Variants in RAD9B observed in about 807,000 individuals in gnomAD.
RAD9B encodes RAD9 checkpoint clamp component B.
RAD9B carries 41 observed loss-of-function variants against 48.3 expected under a neutral mutation model. That is an observed-to-expected ratio of 0.85 (90% confidence interval 0.66 to 1.10). RAD9B has a LOEUF of 1.10. Ranked by LOEUF, RAD9B falls within the 50% of genes least tolerant of loss-of-function variation. The pLI is 0.00. For missense variants in RAD9B, 444 were observed against 485.1 expected (o/e 0.92, Z 0.80); for synonymous variants, 160 against 157.9 (o/e 1.01, Z -0.10).
At chr12:110,511,245 G>GA (rs71445509) in intron 4 of RAD9B, among the ~76,000 whole-genome samples, 6,451 of 150,664 alleles carry the variant, frequency 0.043, 192 homozygotes, top group Middle Eastern at 0.088. Flanking sequence ...TTATCCAAAG[G>GA]AAAAAAAAAT....
rs1438758079 is a variant in RAD9B at position 110,522,211 on chromosome 12, G to A, written c.925G>A (p.Val309Ile). ...GATTGAAAAAAAGGCTGGCAAAAAT[G>A]TAACTGGCCAGGCCCTGGAATGTAT... is the stretch of plus-strand genomic sequence containing the variant. ...DLIEKKAGKN[V>I]TGQALECISK... is the part of the protein sequence containing the mutation. Residue 309 changes from valine (V) to isoleucine (I), a missense_variant, in exon 10 of 11, where the codon GTA becomes ATA. Physicochemically the swap from Val to Ile is conservative, Grantham distance 29 (BLOSUM62 3). Transcript: ENST00000409300. 1.9e-6 allele frequency: 3 copies of A among 1,599,106 alleles called. No individual in the cohort carries two copies. Among genetic ancestry groups the A allele is most frequent in the Non-Finnish European group, 2.6e-6 (3 of 1,172,860 alleles).
intron 10 of RAD9B, among the ~76,000 whole-genome samples, chr12:110,526,118 G>A (rs2063929646): frequency 6.6e-6 from 1 of 152,196 alleles, no homozygotes; most frequent in Non-Finnish European, 1.5e-5. Flanking sequence ...TTACAGGCAT[G>A]AGCCACCCCG....
Position 110,531,479 on chromosome 12 carries a change from A to T in RAD9B, c.*826A>T. The T allele has an allele frequency of 1.2e-6, 1 of 867,516 alleles. No homozygotes were observed. The highest frequency in any genetic ancestry group is 1.5e-5 in the South Asian group (1 of 68,112). The allele number at this position is 867,516 out of a possible 1,614,324, so 53.7% of individuals were successfully genotyped here. A position where few individuals can be genotyped will look rare whatever the true frequency, so the allele number is the denominator to read the frequency against. The stretch of plus-strand genomic sequence containing the variant: ...AGTGCTGGGATTACAGACTTGAGCC[A>T]CTGCGCCCAACCTGGAGTGTTTTTA... On this transcript the variant is annotated 3_prime_UTR_variant, in exon 11 of 11. Coordinates refer to ENST00000409300, the MANE Select transcript of RAD9B (RefSeq NM_001286535.2).
At chr12:110,502,529 G>A in intron 1 of RAD9B, 146 bp downstream of exon 1, 3 of 871,148 alleles carry the variant, frequency 3.4e-6, no homozygotes, top group Non-Finnish European at 5.4e-6. Context: ...ACCCACTCAA[G>A]TCCCTGTTAA....
intron 1 of RAD9B, chr12:110,503,230 A>T: frequency 6.5e-6 from 1 of 153,150 alleles, no homozygotes; most frequent in African/African-American, 2.4e-5. Context: ...TGAGTGTCAG[A>T]GTGAGACTCT....
At chr12:110,507,397 TAATATATGTATTAAATATAATATATAA>T (rs1565879307) in intron 4 of RAD9B, among the ~76,000 whole-genome samples, 2 of 144,122 alleles carry the variant, frequency 1.4e-5, no homozygotes, top group Non-Finnish European at 3.0e-5. Context: ...ATATAATATA[TAATATATGTATTAAATATAATATATAA>T]TATATATGTA....
At chr12:110,517,868 T>C (rs1375284272) in intron 6 of RAD9B, among the ~76,000 whole-genome samples, 1 of 151,190 alleles carries the variant, frequency 6.6e-6, no homozygotes, top group African/African-American at 2.4e-5. Flanking sequence ...GATTATGAAA[T>C]GGTATGTAGG....
intron 10 of RAD9B, among the ~76,000 whole-genome samples, chr12:110,529,413 G>A (rs2064055650): frequency 6.6e-6 from 1 of 152,142 alleles, no homozygotes; most frequent in Non-Finnish European, 1.5e-5. Flanking sequence ...CTAAAGTGCT[G>A]GGATTACAGG....
intron 6 of RAD9B, among the ~76,000 whole-genome samples, chr12:110,517,310 C>A (rs2135700171): frequency 6.6e-6 from 1 of 152,128 alleles, no homozygotes; most frequent in East Asian, 1.9e-4. Flanking sequence ...GCCTGGGCAA[C>A]AGAGTGAGAC....
chr12:110,531,658 C>G lies in RAD9B; in HGVS notation c.*1005C>G. ...AGAACAGTATCCTCCACTGCCAAGACAGCCTGAGTTTGGAGTGGAATAAGG... is the reference window on the plus strand; with the variant it reads ...AGAACAGTATCCTCCACTGCCAAGAGAGCCTGAGTTTGGAGTGGAATAAGG... On this transcript the variant is annotated 3_prime_UTR_variant, in exon 11 of 11. Transcript: ENST00000409300. The G allele has an allele frequency of 6.2e-7, 1 of 1,604,516 alleles. No homozygotes were observed. The highest frequency in any genetic ancestry group is 8.5e-7 in the Non-Finnish European group (1 of 1,176,150).
intron 10 of RAD9B, 87 bp from the exon 11 acceptor site, chr12:110,530,438 G>A (rs1248536084): frequency 8.1e-7 from 1 of 1,231,528 alleles, no homozygotes; most frequent in Non-Finnish European, 1.2e-6. Flanking sequence ...ATACTGGTCA[G>A]GTTTCTGAGG....
chr12:110,524,701 A>T (rs2063883301), intron 10 of RAD9B, among the ~76,000 whole-genome samples: 1 of 151,962 alleles, frequency 6.6e-6, no homozygotes. Flanking sequence ...AGAGATCGAG[A>T]CCATCCTGGC....
chr12:110,511,125 C>T (rs191740052), intron 4 of RAD9B, among the ~76,000 whole-genome samples: 2 of 152,252 alleles, frequency 1.3e-5, no homozygotes, highest in East Asian at 3.9e-4. Flanking sequence ...GATCTGTAGT[C>T]TGCAATCACT....
intron 4 of RAD9B, among the ~76,000 whole-genome samples, chr12:110,508,545 C>G (rs2063360861): frequency 1.3e-5 from 2 of 152,200 alleles, no homozygotes; most frequent in Admixed American, 1.3e-4. Context: ...GACGGTCCAA[C>G]TCAAACTAGC....
At position 110,531,297 on chromosome 12, in the gene RAD9B, A is replaced by G. The variant is rs2064129807; in HGVS notation, c.*644A>G. 2.2e-6 allele frequency: 1 copy of G among 457,020 alleles called. No individual in the cohort carries two copies. Among genetic ancestry groups the G allele is most frequent in the Non-Finnish European group, 3.3e-6 (1 of 298,768 alleles). 28.3% of individuals were successfully genotyped at this position (457,020 alleles called of 1,614,324 possible). ...AACATCTGCCTCCCAGGTCCAAGCG[A>G]TTCTCCTGCCTCAGCCTCCCGTGCA... is the stretch of plus-strand genomic sequence containing the variant. On this transcript the variant is annotated 3_prime_UTR_variant, in exon 11 of 11. Coordinates refer to ENST00000409300, the MANE Select transcript of RAD9B (RefSeq NM_001286535.2).
intron 10 of RAD9B, among the ~76,000 whole-genome samples, chr12:110,528,144 T>C (rs982861039): frequency 7.9e-5 from 12 of 152,190 alleles, no homozygotes; most frequent in Admixed American, 2.6e-4. Context: ...GAATGTTGAC[T>C]GGATGACTTT....
chr12:110,517,751 GACACACACACACACACACAC>G (rs34935245), intron 6 of RAD9B, among the ~76,000 whole-genome samples: 13 of 141,418 alleles, frequency 9.2e-5, no homozygotes, highest in Admixed American at 3.6e-4. Context: ...ACAAAACATT[GACACACACACACACACACAC>G]ACACACACAC....
At chr12:110,508,719 C>T (rs1399648753) in intron 4 of RAD9B, among the ~76,000 whole-genome samples, 1 of 152,202 alleles carries the variant, frequency 6.6e-6, no homozygotes, top group Admixed American at 6.5e-5. Flanking sequence ...GCCTTGGCCT[C>T]CCAGAGTGCT....
chr12:110,529,465 A>G (rs1040370011), intron 10 of RAD9B, among the ~76,000 whole-genome samples: 17 of 152,180 alleles, frequency 1.1e-4, no homozygotes, highest in Admixed American at 1.1e-3. Context: ...TTTAAAGATA[A>G]GAAGACTGAG....
Sources: allele counts gnomAD v4.1 joint callset (sites outside exome capture counted in the v4.1 genomes callset), GRCh38; gene constraint gnomAD v4.1.1; transcripts MANE v1.5; gene names NCBI Gene and HGNC (gene_info 2026-07-23, HGNC 2026-07-21).